The following STK39 variants were observed in gnomAD, a reference collection of about 807,000 sequenced individuals.
STK39 encodes the protein STE20/SPS1-related proline-alanine-rich protein kinase.
In STK39, 20 loss-of-function variants were observed where a neutral mutation model predicts 77.8. That is an observed-to-expected ratio of 0.26 (90% CI 0.18 to 0.37). The LOEUF (loss-of-function observed/expected upper bound fraction) is 0.37, where lower values mean the gene tolerates loss of function less well. STK39 is among the 10% of genes least tolerant of loss of function. STK39 has a pLI of 1.00. For synonymous variants in STK39, 246 were observed against 234.1 expected (o/e 1.05, Z -0.47); for missense variants, 479 against 656.5 (o/e 0.73, Z 2.95).
intron 14 of STK39, among the ~76,000 whole-genome samples, chr2:168,056,620 T>C (rs976793686): frequency 6.6e-6 from 1 of 152,064 alleles, no homozygotes; most frequent in Non-Finnish European, 1.5e-5. Flanking sequence ...ACGCATCACA[T>C]TGAGGAGTGA....
chr2:168,077,945 C>T (rs961428024), intron 10 of STK39, among the ~76,000 whole-genome samples: 2 of 151,372 alleles, frequency 1.3e-5, no homozygotes, highest in African/African-American at 4.9e-5. Flanking sequence ...ATCTTCCCCA[C>T]ACCCAACGAT....
intron 14 of STK39, among the ~76,000 whole-genome samples, chr2:168,025,193 G>A (rs1208106129): frequency 1.3e-5 from 2 of 152,080 alleles, no homozygotes; most frequent in South Asian, 2.1e-4. Flanking sequence ...CTCCCTTGAT[G>A]ATTAATTCCA....
chr2:168,133,527 A>C (rs1574491347), intron 8 of STK39, among the ~76,000 whole-genome samples: 3 of 152,302 alleles, frequency 2.0e-5, no homozygotes, highest in East Asian at 3.9e-4. Flanking sequence ...ATGCCAAACT[A>C]TCTCCATGAG....
chr2:168,082,669 C>T (rs1213830802), intron 10 of STK39, among the ~76,000 whole-genome samples: 1 of 152,246 alleles, frequency 6.6e-6, no homozygotes, highest in African/African-American at 2.4e-5. Flanking sequence ...TACACATTCT[C>T]AGCTCACTAG....
At position 168,212,460 on chromosome 2, in the gene STK39, T is replaced by C. The variant is rs74962692; in HGVS notation, c.209-30370A>G. 7.3e-4 allele frequency among the ~76,000 whole-genome samples: 111 copies of C among 152,342 alleles called. 4 individuals carry two copies. The East Asian group carries it at 0.016, about 21-fold the overall frequency. On this transcript the variant is annotated intron_variant, in intron 1 of 17. Coordinates refer to ENST00000355999, the MANE Select transcript of STK39 (RefSeq NM_013233.3). Reference sequence around the variant, plus strand: ...GCCTTGGCCAACTCTCCTGACCCTGTGCTCCTGGGAAAATTACTCAACCTC... The same window carrying C: ...GCCTTGGCCAACTCTCCTGACCCTGCGCTCCTGGGAAAATTACTCAACCTC...
At chr2:168,126,146 AT>A (rs1687535342) in intron 10 of STK39, among the ~76,000 whole-genome samples, 1 of 152,188 alleles carries the variant, frequency 6.6e-6, no homozygotes, top group Non-Finnish European at 1.5e-5. Flanking sequence ...CCCAGGTATC[AT>A]TTAAACACTC....
intron 10 of STK39, among the ~76,000 whole-genome samples, chr2:168,103,732 GA>G (rs1017588803): frequency 2.0e-5 from 3 of 152,242 alleles, no homozygotes; most frequent in Admixed American, 6.5e-5. Context: ...CGGAGGCTAT[GA>G]ATACCAATTT....
chr2:168,033,330 G>A (rs1318477018), intron 14 of STK39, among the ~76,000 whole-genome samples: 2 of 152,136 alleles, frequency 1.3e-5, no homozygotes, highest in African/African-American at 2.4e-5. Flanking sequence ...AGGAAATATC[G>A]CATTAGGACA....
At chr2:168,142,498 C>T (rs1373183075) in intron 5 of STK39, among the ~76,000 whole-genome samples, 4 of 152,104 alleles carry the variant, frequency 2.6e-5, no homozygotes, top group African/African-American at 9.7e-5. Flanking sequence ...AGCAACTCTG[C>T]ACCCTAAAGT....
At chr2:168,129,096 G>A (rs1687616201) in intron 10 of STK39, among the ~76,000 whole-genome samples, 1 of 152,098 alleles carries the variant, frequency 6.6e-6, no homozygotes, top group Admixed American at 6.5e-5. Context: ...ACTAAAAAAG[G>A]GACCATAGGT....
At chr2:168,099,942 T>C (rs567594384) in intron 10 of STK39, among the ~76,000 whole-genome samples, 1 of 152,134 alleles carries the variant, frequency 6.6e-6, no homozygotes, top group African/African-American at 2.4e-5. Flanking sequence ...GCTTTTGAAA[T>C]GGAGACCCAT....
chr2:168,018,534 AAAGAAAAG>A (rs1302556467), intron 14 of STK39, among the ~76,000 whole-genome samples: 51 of 73,660 alleles, frequency 6.9e-4, no homozygotes, highest in African/African-American at 3.6e-3. Flanking sequence ...GAAAGAAAAG[AAAGAAAAG>A]AAAGAAAGAA....
chr2:168,051,150 T>C (rs1342445396), intron 14 of STK39, among the ~76,000 whole-genome samples: 1 of 152,178 alleles, frequency 6.6e-6, no homozygotes, highest in Admixed American at 6.5e-5. Context: ...ATTATTCATC[T>C]CTGATCAAGA....
intron 14 of STK39, among the ~76,000 whole-genome samples, chr2:168,031,793 T>G (rs1364404561): frequency 2.6e-5 from 4 of 152,150 alleles, no homozygotes; most frequent in Non-Finnish European, 4.4e-5. Flanking sequence ...GAAAATAAAC[T>G]CCTATTGTTT....
intron 16 of STK39, among the ~76,000 whole-genome samples, chr2:168,005,008 T>G (rs1000040230): frequency 3.5e-4 from 48 of 138,014 alleles, no homozygotes; most frequent in African/African-American, 1.2e-3. Flanking sequence ...TTTTTTTTTT[T>G]TTTTTTTTTT....
intron 5 of STK39, among the ~76,000 whole-genome samples, chr2:168,154,838 T>C (rs991229102): frequency 6.6e-5 from 10 of 151,988 alleles, no homozygotes; most frequent in African/African-American, 2.4e-4. Flanking sequence ...AAACCAAACA[T>C]CTAATGTTTA....
At chr2:168,123,872 CAAAAAAAA>C (rs60490866) in intron 10 of STK39, among the ~76,000 whole-genome samples, 1 of 119,748 alleles carries the variant, frequency 8.4e-6, no homozygotes, top group South Asian at 2.8e-4. Context: ...GATTCCATCT[CAAAAAAAA>C]AAAAAAAAAA....
At chr2:168,220,342 CAA>C (rs1301987315) in intron 1 of STK39, among the ~76,000 whole-genome samples, 1 of 151,898 alleles carries the variant, frequency 6.6e-6, no homozygotes, top group Admixed American at 6.6e-5. Context: ...TCTCCTGGGG[CAA>C]AGAGAAAACC....
At chr2:168,053,227 T>C (rs1685442220) in intron 14 of STK39, among the ~76,000 whole-genome samples, 1 of 152,248 alleles carries the variant, frequency 6.6e-6, no homozygotes, top group African/African-American at 2.4e-5. Flanking sequence ...TTTGGTGCAT[T>C]CAATCCAAAT....
Sources: gnomAD v4.1 joint callset for allele counts (sites outside exome capture counted in the v4.1 genomes callset) on GRCh38, gnomAD v4.1.1 for gene constraint, MANE v1.5 for transcripts, NCBI Gene and HGNC (gene_info 2026-07-23, HGNC 2026-07-21) for gene names.